MDFIC: variants seen among roughly 807,000 people sequenced by gnomAD.
The protein encoded by MDFIC is myoD family inhibitor domain-containing protein.
MDFIC carries 17 observed loss-of-function variants against 23.2 expected under a neutral mutation model. The ratio of observed to expected loss-of-function variants is 0.73; its 90% CI spans 0.50 to 1.10. The LOEUF is 1.10. Among genes scored for constraint, MDFIC ranks in the 50% least tolerant of loss-of-function variants. The pLI is 0.00. For synonymous variants in MDFIC, 120 were observed against 115.2 expected (o/e 1.04, Z -0.27); for missense variants, 356 against 316.6 (o/e 1.12, Z -0.95).
intron 4 of MDFIC, among the ~76,000 whole-genome samples, chr7:114,996,251 T>C (rs1374798302): frequency 3.9e-5 from 6 of 152,146 alleles, no homozygotes; most frequent in Non-Finnish European, 7.4e-5. Flanking sequence ...TGGGAGGTAA[T>C]AGGATTGGAT....
Position 114,923,057 on chromosome 7 carries a change from C to G in MDFIC, c.24C>G (p.Leu8=). MSGAGEA[L]APGPVGPQRV... The stretch of plus-strand genomic sequence containing the variant: ...CCATGTCCGGCGCGGGCGAAGCCCT[C>G]GCTCCCGGGCCCGTGGGGCCGCAGC... Residue 8 remains leucine (L), a synonymous_variant, in exon 2 of 5, where the codon CTC becomes CTG. Transcript: ENST00000393486. The G allele has an allele frequency of 1.5e-6, 2 of 1,360,786 alleles. No individual in the cohort carries two copies. The highest frequency in any genetic ancestry group is 1.8e-5 in the South Asian group (1 of 57,014). 84.3% of individuals were successfully genotyped at this position (1,360,786 alleles called of 1,614,324 possible).
intron 4 of MDFIC, chr7:114,980,104 A>T: frequency 8.7e-6 from 3 of 344,086 alleles, no homozygotes; most frequent in South Asian, 8.0e-5. Context: ...GTGTGTGTGT[A>T]TTTTTATCCC....
chr7:114,923,153 G>A (rs2115659700), intron 2 of MDFIC, 26 bp downstream of exon 2: 1 of 1,529,054 alleles, frequency 6.5e-7, no homozygotes, highest in East Asian at 2.5e-5. Context: ...CAAGTGGCAA[G>A]CTTCTTTGTC....
chr7:114,959,949 G>C (rs557778162), intron 3 of MDFIC, among the ~76,000 whole-genome samples: 51 of 152,066 alleles, frequency 3.4e-4, no homozygotes, highest in Non-Finnish European at 5.9e-4. Flanking sequence ...TGCTTAGTTA[G>C]ACATTGTAAA....
At chr7:114,922,830 G>A in intron 1 of MDFIC, 97 bp from the exon 2 acceptor site, 5 of 1,409,824 alleles carry the variant, frequency 3.5e-6, no homozygotes, top group Non-Finnish European at 3.8e-6. Context: ...GGTGGAGTTT[G>A]AGGGAGGGAA....
chr7:114,976,573 C>A (rs1793319641), intron 3 of MDFIC, among the ~76,000 whole-genome samples: 1 of 152,032 alleles, frequency 6.6e-6, no homozygotes. Flanking sequence ...AACTGCTAAA[C>A]AGATGTTTAC....
chr7:114,923,629 GAAAT>G, intron 2 of MDFIC: 1 of 1,446,294 alleles, frequency 6.9e-7, no homozygotes, highest in Non-Finnish European at 9.1e-7. Context: ...GGTTTGTTTT[GAAAT>G]AAATAAACAA....
rs1342492297 is a variant in MDFIC, at chr7:115,019,410, T to C, written c.*3475T>C. Reference sequence around the variant, plus strand: ...TCAAGGAGTAACCAAGGCAACCTTATGTAATAACTTTCCATTCTTTATCCA... The same window carrying C: ...TCAAGGAGTAACCAAGGCAACCTTACGTAATAACTTTCCATTCTTTATCCA... On this transcript the variant is annotated 3_prime_UTR_variant, in exon 5 of 5. Coordinates refer to ENST00000393486, the MANE Select transcript of MDFIC (RefSeq NM_001166345.3). Among the ~76,000 whole-genome samples the C allele has an allele frequency of 6.6e-6, 1 of 152,216 alleles. No individual in the cohort carries two copies. Among genetic ancestry groups the C allele is most frequent in the Middle Eastern group, 3.4e-3 (1 of 294 alleles).
At chr7:114,994,966 C>A (rs905274129) in intron 4 of MDFIC, among the ~76,000 whole-genome samples, 1 of 152,216 alleles carries the variant, frequency 6.6e-6, no homozygotes, top group Non-Finnish European at 1.5e-5. Flanking sequence ...TCCATTCTCC[C>A]TGTCACTTTC....
intron 1 of MDFIC, 121 bp downstream of exon 1, chr7:114,922,757 C>T (rs1792110212): frequency 1.6e-6 from 2 of 1,284,398 alleles, no homozygotes; most frequent in African/African-American, 3.3e-5. Flanking sequence ...CCCTGGGACC[C>T]CGCCGCTGTC....
At chr7:114,938,896 T>C (rs1792485987) in intron 2 of MDFIC, among the ~76,000 whole-genome samples, 1 of 152,186 alleles carries the variant, frequency 6.6e-6, no homozygotes, top group South Asian at 2.1e-4. Context: ...AGAAATAACA[T>C]GAAAAACCTA....
chr7:114,924,886 G>C (rs1221603741), intron 2 of MDFIC, among the ~76,000 whole-genome samples: 2 of 152,120 alleles, frequency 1.3e-5, no homozygotes, highest in Admixed American at 6.5e-5. Context: ...AGGGAAGCTT[G>C]GTTAGGTTGG....
rs1164690539 is a variant in MDFIC at position 115,017,322 on chromosome 7, T to G, written c.*1387T>G. 1.3e-5 allele frequency: 2 copies of G among 152,216 alleles called. No individual in the cohort carries two copies. Among genetic ancestry groups the G allele is most frequent in the African/African-American group, 2.4e-5 (1 of 41,478 alleles). 9.4% of individuals were successfully genotyped at this position (152,216 alleles called of 1,614,324 possible). ...CTATTTAATAAAGAAGATTGAGTAC[T>G]CTGACACATTTCATTTAAATTAGGA... On this transcript the variant is annotated 3_prime_UTR_variant, in exon 5 of 5. Transcript: ENST00000393486.
chr7:114,974,971 C>A (rs1390364480), intron 3 of MDFIC, among the ~76,000 whole-genome samples: 1 of 151,454 alleles, frequency 6.6e-6, no homozygotes, highest in Non-Finnish European at 1.5e-5. Context: ...CCAATGCTAT[C>A]CAGGTTTGAA....
intron 2 of MDFIC, among the ~76,000 whole-genome samples, chr7:114,924,995 G>C (rs1201473821): frequency 6.6e-6 from 1 of 152,054 alleles, no homozygotes; most frequent in Admixed American, 6.6e-5. Context: ...TCTGTCCTTG[G>C]ATTCTTTATC....
At chr7:114,992,213 T>C (rs953063764) in intron 4 of MDFIC, among the ~76,000 whole-genome samples, 2 of 152,242 alleles carry the variant, frequency 1.3e-5, no homozygotes, top group African/African-American at 4.8e-5. Context: ...TCCTGAGACT[T>C]TGCTGAAGTT....
At chr7:114,984,518 A>C (rs140983797) in intron 4 of MDFIC, among the ~76,000 whole-genome samples, 2 of 152,242 alleles carry the variant, frequency 1.3e-5, no homozygotes, top group Admixed American at 6.5e-5. Flanking sequence ...ATGGAGGAAA[A>C]AAAAACCATG....
chr7:114,923,273 C>T, intron 2 of MDFIC, 146 bp downstream of exon 2: 8 of 1,263,488 alleles, frequency 6.3e-6, no homozygotes, highest in Non-Finnish European at 8.8e-6. Flanking sequence ...TCGCGTTACT[C>T]AGGCAAGTTC....
At chr7:114,922,813 TC>T in intron 1 of MDFIC, 113 bp from the exon 2 acceptor site, 1 of 1,346,214 alleles carries the variant, frequency 7.4e-7, no homozygotes, top group Non-Finnish European at 9.9e-7. Flanking sequence ...AATCAAAACT[TC>T]CCCGGGGTGG....
Sources: gnomAD v4.1 joint callset for allele counts (sites outside exome capture counted in the v4.1 genomes callset) on GRCh38, gnomAD v4.1.1 for gene constraint, MANE v1.5 for transcripts, NCBI Gene and HGNC (gene_info 2026-07-23, HGNC 2026-07-21) for gene names.